STPG2: variants seen among roughly 807,000 people sequenced by gnomAD.
STPG2 encodes the protein sperm tail PG-rich repeat containing 2, also known as sperm-tail PG-rich repeat-containing protein 2.
STPG2 carries 56 observed loss-of-function variants against 54.2 expected under a neutral mutation model. That is an observed-to-expected ratio of 1.03 (90% CI 0.83 to 1.29). STPG2 has a LOEUF of 1.29. Ranked by LOEUF, STPG2 falls within the 50% of genes most tolerant of loss-of-function variation. The pLI is 0.00. For synonymous variants in STPG2, 200 were observed against 181.8 expected, an observed-to-expected ratio of 1.10 and a Z score of -0.81; for missense variants, 596 against 544.9, an observed-to-expected ratio of 1.09 and a Z score of -0.93.
intron 8 of STPG2, among the ~76,000 whole-genome samples, chr4:97,862,121 G>A (rs1366645285): frequency 6.6e-6 from 1 of 151,920 alleles, no homozygotes; most frequent in African/African-American, 2.4e-5. Context: ...AAAAGACACA[G>A]ACTGGCAAAT....
chr4:97,929,133 G>A (rs558325677), intron 8 of STPG2, among the ~76,000 whole-genome samples: 1 of 152,224 alleles, frequency 6.6e-6, no homozygotes, highest in South Asian at 2.1e-4. Flanking sequence ...TGTAGTAGTT[G>A]GTTTTCTGTT....
At chr4:98,002,145 C>T (rs918906430) in intron 5 of STPG2, among the ~76,000 whole-genome samples, 1 of 151,942 alleles carries the variant, frequency 6.6e-6, no homozygotes, top group African/African-American at 2.4e-5. Context: ...TAAGTAGTAG[C>T]AGGGTTTCAT....
intron 5 of STPG2, among the ~76,000 whole-genome samples, chr4:98,013,359 T>C (rs1303824782): frequency 6.6e-6 from 1 of 152,206 alleles, no homozygotes; most frequent in Non-Finnish European, 1.5e-5. Flanking sequence ...CAGCATTTTA[T>C]TGAGGGTTTT....
intron 4 of STPG2, among the ~76,000 whole-genome samples, chr4:97,495,420 C>T (rs184941832): frequency 6.6e-6 from 1 of 151,380 alleles, no homozygotes; most frequent in Admixed American, 6.6e-5. Flanking sequence ...TAAAACCACC[C>T]ACACAAAGTT....
intron 5 of STPG2, among the ~76,000 whole-genome samples, chr4:98,012,549 C>A (rs2149283577): frequency 6.6e-6 from 1 of 152,104 alleles, no homozygotes; most frequent in East Asian, 1.9e-4. Flanking sequence ...GCAGTATGGC[C>A]ATTTTCATGA....
intron 8 of STPG2, among the ~76,000 whole-genome samples, chr4:97,849,326 A>T (rs1475130949): frequency 6.6e-6 from 1 of 152,052 alleles, no homozygotes; most frequent in East Asian, 1.9e-4. Flanking sequence ...CCTAGAAGAA[A>T]ACCTAGGCAT....
chr4:98,108,280 G>C (rs1421671859), intron 4 of STPG2, among the ~76,000 whole-genome samples: 1 of 151,972 alleles, frequency 6.6e-6, no homozygotes, highest in Non-Finnish European at 1.5e-5. Context: ...GGGGCTTCTT[G>C]GGAGAAAATT....
At chr4:97,834,812 G>T (rs1560546551) in intron 9 of STPG2, among the ~76,000 whole-genome samples, 1 of 151,952 alleles carries the variant, frequency 6.6e-6, no homozygotes, top group Admixed American at 6.6e-5. Flanking sequence ...GTTATGTATT[G>T]CCCTGACCAT....
chr4:98,141,662 T>TAAAGCC (rs1404505858), intron 1 of STPG2, among the ~76,000 whole-genome samples: 1 of 152,150 alleles, frequency 6.6e-6, no homozygotes, highest in Non-Finnish European at 1.5e-5. Context: ...CTGAAATACA[T>TAAAGCC]AAAGCCAAGC....
At chr4:97,944,964 T>G (rs554312749) in intron 7 of STPG2, among the ~76,000 whole-genome samples, 1 of 152,198 alleles carries the variant, frequency 6.6e-6, no homozygotes, top group Non-Finnish European at 1.5e-5. Context: ...CTTTTAAAAA[T>G]GTGAAAGCCT....
chr4:97,749,933 C>T (rs941915999), intron 9 of STPG2, among the ~76,000 whole-genome samples: 10 of 151,648 alleles, frequency 6.6e-5, no homozygotes, highest in Non-Finnish European at 1.3e-4. Flanking sequence ...GGACAGTTCC[C>T]GTCCAGACAG....
At chr4:97,893,729 C>G (rs541737602) in intron 8 of STPG2, among the ~76,000 whole-genome samples, 1 of 152,084 alleles carries the variant, frequency 6.6e-6, no homozygotes, top group South Asian at 2.1e-4. Flanking sequence ...TCGGCCAAAA[C>G]TTAGTCTACA....
chr4:98,060,646 C>T (rs1737620835), intron 5 of STPG2, among the ~76,000 whole-genome samples: 1 of 152,152 alleles, frequency 6.6e-6, no homozygotes, highest in African/African-American at 2.4e-5. Context: ...GGAGGCAACA[C>T]ACTACCCAAA....
At chr4:97,671,308 C>T (rs1722687632) in intron 10 of STPG2, among the ~76,000 whole-genome samples, 1 of 152,120 alleles carries the variant, frequency 6.6e-6, no homozygotes, top group Admixed American at 6.6e-5. Flanking sequence ...GACTGAAAAG[C>T]AATGAGACTG....
chr4:97,941,553 T>A (rs1419909341), intron 8 of STPG2, among the ~76,000 whole-genome samples: 1 of 152,038 alleles, frequency 6.6e-6, no homozygotes, highest in Non-Finnish European at 1.5e-5. Context: ...CCCTGGGATG[T>A]TGTAAAAGAA....
chr4:97,910,995 G>T (rs1320638124), intron 8 of STPG2, among the ~76,000 whole-genome samples: 1 of 152,190 alleles, frequency 6.6e-6, no homozygotes, highest in Non-Finnish European at 1.5e-5. Flanking sequence ...CGTGACCCAT[G>T]TAGAGAGAGG....
chr4:97,928,825 C>T (rs1041411069), intron 8 of STPG2, among the ~76,000 whole-genome samples: 3 of 151,946 alleles, frequency 2.0e-5, no homozygotes, highest in Admixed American at 1.3e-4. Context: ...TATATTCTGT[C>T]TTATAATTAA....
intron 5 of STPG2, among the ~76,000 whole-genome samples, chr4:98,086,462 A>G (rs762815431): frequency 9.9e-5 from 15 of 152,184 alleles, no homozygotes; most frequent in East Asian, 1.9e-4. Flanking sequence ...TGTACATATA[A>G]TAAGATTTAG....
chr4:98,123,392 T>C (rs1056167061), intron 3 of STPG2, among the ~76,000 whole-genome samples: 1 of 152,238 alleles, frequency 6.6e-6, no homozygotes, highest in African/African-American at 2.4e-5. Context: ...ATTGTCTCTT[T>C]GTTCTCTTTA....
Sources: allele counts gnomAD v4.1 joint callset (sites outside exome capture counted in the v4.1 genomes callset), GRCh38; gene constraint gnomAD v4.1.1; transcripts MANE v1.5; gene names NCBI Gene and HGNC (gene_info 2026-07-23, HGNC 2026-07-21).